The following CCR9 variants were observed in gnomAD, a reference collection of about 807,000 sequenced individuals.
The protein encoded by CCR9 is C-C motif chemokine receptor 9.
In CCR9, 4 loss-of-function variants were observed where a neutral mutation model predicts 8.7. The ratio of observed to expected loss-of-function variants is 0.46; its 90% CI spans 0.23 to 1.06. The LOEUF (loss-of-function observed/expected upper bound fraction) is 1.06. Among genes scored for constraint, CCR9 ranks in the 50% least tolerant of loss-of-function variants. CCR9 has a pLI of 0.21. For missense variants in CCR9, 394 were observed against 453.6 expected, an observed-to-expected ratio of 0.87 and a Z score of 1.19; for synonymous variants, 159 against 168.8, an observed-to-expected ratio of 0.94 and a Z score of 0.45.
Position 45,901,072 on chromosome 3 carries a change from T to C in CCR9, c.284T>C (p.Leu95Pro), listed in dbSNP as rs1393516511. The C allele has an allele frequency of 1.2e-6, 2 of 1,614,194 alleles. No individual in the cohort carries two copies. The highest frequency in any genetic ancestry group is 2.2e-5 in the South Asian group (2 of 91,080). ...MFLLNLAIAD[L>P]LFLVTLPFWA... ...CTTTTGAATTTGGCAATTGCTGACC[T>C]CCTCTTTCTTGTCACTCTTCCCTTC... is the stretch of plus-strand genomic sequence containing the variant. Residue 95 changes from leucine (L) to proline (P), a missense_variant, in exon 3 of 3, where the codon CTC (leucine) becomes CCC (proline). Coordinates refer to ENST00000357632, the MANE Select transcript of CCR9 (RefSeq NM_031200.3). This position sits in a 1 kb window ranked among gnomAD's most constrained non-coding sequence, Gnocchi z 4.3.
intron 1 of CCR9, among the ~76,000 whole-genome samples, chr3:45,890,471 G>A (rs1702143559): frequency 6.8e-6 from 1 of 147,132 alleles, no homozygotes. Context: ...AAACTCAACT[G>A]GGCATTTTTC....
At chr3:45,888,475 A>G (rs1171178939) in intron 1 of CCR9, among the ~76,000 whole-genome samples, 2 of 152,234 alleles carry the variant, frequency 1.3e-5, no homozygotes, top group African/African-American at 4.8e-5. Flanking sequence ...GAGGACATGG[A>G]TCATGTCTTA....
chr3:45,890,350 C>CATATAT (rs372514163), intron 1 of CCR9, among the ~76,000 whole-genome samples: 4 of 23,076 alleles, frequency 1.7e-4, no homozygotes, highest in African/African-American at 3.5e-4. Context: ...ATATATATAA[C>CATATAT]ATATATATAT....
chr3:45,889,271 C>T (rs1176579414), intron 1 of CCR9, among the ~76,000 whole-genome samples: 1 of 152,044 alleles, frequency 6.6e-6, no homozygotes, highest in Non-Finnish European at 1.5e-5. Flanking sequence ...AGGCATGAGC[C>T]ATCTTGCCTG....
chr3:45,898,532 C>T (rs776845676), intron 2 of CCR9, among the ~76,000 whole-genome samples: 8 of 152,216 alleles, frequency 5.3e-5, no homozygotes, highest in East Asian at 1.9e-4. Context: ...CCTGAAGAGC[C>T]GCCTCCAGGA....
intron 2 of CCR9, among the ~76,000 whole-genome samples, chr3:45,896,815 G>A (rs1373178816): frequency 6.6e-6 from 1 of 152,116 alleles, no homozygotes; most frequent in Admixed American, 6.5e-5. Context: ...CCATTGCCTT[G>A]TGCCCATTCT....
chr3:45,888,309 G>A (rs886999837), intron 1 of CCR9, among the ~76,000 whole-genome samples: 4 of 152,042 alleles, frequency 2.6e-5, no homozygotes, highest in Admixed American at 2.0e-4. Context: ...TCAAGGACCC[G>A]CAAAAATGTC....
intron 1 of CCR9, among the ~76,000 whole-genome samples, chr3:45,892,155 A>C (rs9834860): frequency 0.51 from 78,165 of 151,994 alleles, 23,277 homozygotes; most frequent in African/African-American, 0.83. Flanking sequence ...GCAGACAGAG[A>C]CAGGAAATAT....
intron 2 of CCR9, among the ~76,000 whole-genome samples, chr3:45,899,233 A>C (rs1190393280): frequency 6.6e-6 from 1 of 152,218 alleles, no homozygotes; most frequent in African/African-American, 2.4e-5. Flanking sequence ...TGTGCTCAGG[A>C]GTATTGTGAA....
rs1702574763 is a variant in CCR9 at position 45,901,954 on chromosome 3, G to A, written c.*56G>A. The A allele has an allele frequency of 7.1e-7, 1 of 1,412,300 alleles. No individual in the cohort carries two copies. Among genetic ancestry groups the A allele is most frequent in the East Asian group, 2.3e-5 (1 of 43,504 alleles). 87.5% of individuals were successfully genotyped at this position (1,412,300 alleles called of 1,614,324 possible). A position where few individuals can be genotyped will look rare whatever the true frequency, so the allele number is the denominator to read the frequency against. On this transcript the variant is annotated 3_prime_UTR_variant, in exon 3 of 3. Coordinates refer to ENST00000357632, the MANE Select transcript of CCR9 (RefSeq NM_031200.3). The surrounding 1 kb of genome is among the most constrained non-coding windows in gnomAD (Gnocchi z 4.3). ...GGAAGAAATGAGAAATACAGAAACA[G>A]TTTCCCCACTGATGGGACCAGAGAG... is the stretch of plus-strand genomic sequence containing the variant.
At chr3:45,898,801 A>T (rs1373586315) in intron 2 of CCR9, among the ~76,000 whole-genome samples, 2 of 152,272 alleles carry the variant, frequency 1.3e-5, no homozygotes, top group African/African-American at 4.8e-5. Flanking sequence ...TTTAGAAAAC[A>T]TTGTTAAACA....
Position 45,899,308 on chromosome 3 carries a change from G to A in CCR9, c.22-1502G>A, listed in dbSNP as rs149285238. ...ACCATTAGTGTTCCACCTAAAACAT[G>A]GTTTGGGAAATGCTAGACAGATCTA... is the stretch of plus-strand genomic sequence containing the variant. On this transcript the variant is annotated intron_variant, in intron 2 of 2. Transcript: ENST00000357632. Among the ~76,000 whole-genome samples, 596 of 152,300 alleles carry A rather than the reference G, an allele frequency of 3.9e-3. 4 individuals carry two copies. Among genetic ancestry groups the A allele is most frequent in the African/African-American group, 0.014 (584 of 41,556 alleles).
chr3:45,887,992 G>A (rs1385438455), intron 1 of CCR9, among the ~76,000 whole-genome samples: 1 of 152,246 alleles, frequency 6.6e-6, no homozygotes, highest in Non-Finnish European at 1.5e-5. Context: ...TGTTAGTGCT[G>A]TAAGCATCAG....
chr3:45,890,335 A>ATATAT (rs1553616543), intron 1 of CCR9, among the ~76,000 whole-genome samples: 1 of 61,728 alleles, frequency 1.6e-5, no homozygotes, highest in Non-Finnish European at 2.6e-5. Context: ...ATATATATAT[A>ATATAT]ACATATATAT....
In CCR9 at chr3:45,901,861, T is replaced by C. The variant is rs1229619751; in HGVS notation, c.1073T>C (p.Met358Thr). ...GAGGGAAGCTTGAAGCTGTCGTCTATGTTGCTGGAGACAACCTCAGGAGCA... is the reference window on the plus strand; with the variant it reads ...GAGGGAAGCTTGAAGCTGTCGTCTACGTTGCTGGAGACAACCTCAGGAGCA... ...RREGSLKLSS[M>T]LLETTSGALS... The change falls in exon 3 of 3, where the codon ATG becomes ACG. Residue 358 changes from methionine (M) to threonine (T), a missense_variant. By Grantham distance (81) the Met-to-Thr change is moderately conservative (BLOSUM62 -1). Coordinates refer to ENST00000357632, the MANE Select transcript of CCR9 (RefSeq NM_031200.3). The surrounding 1 kb of genome is among the most constrained non-coding windows in gnomAD (Gnocchi z 4.3). 6.2e-7 allele frequency: 1 copy of C among 1,609,434 alleles called. No homozygotes were observed. The highest frequency in any genetic ancestry group is 8.5e-7 in the Non-Finnish European group (1 of 1,176,308).
chr3:45,892,769 T>C lies in CCR9; in HGVS notation c.-28-2137T>C, dbSNP rs531854101. Reference sequence around the variant, plus strand: ...CCAAAACAAAAAAAACCCACGTGGGTCCGTAGTGATCTCTCAAGTTGGCTA... The same window carrying C: ...CCAAAACAAAAAAAACCCACGTGGGCCCGTAGTGATCTCTCAAGTTGGCTA... On this transcript the variant is annotated intron_variant, in intron 1 of 2. Coordinates refer to ENST00000357632, the MANE Select transcript of CCR9 (RefSeq NM_031200.3). Among the ~76,000 whole-genome samples, 11 of 151,708 alleles carry C rather than the reference T, an allele frequency of 7.3e-5. No individual in the cohort carries two copies. In the South Asian group the frequency reaches 1.9e-3, roughly 26 times the overall value.
At position 45,902,651 on chromosome 3, in the gene CCR9, T is replaced by C. The variant is rs1212454969; in HGVS notation, c.*753T>C. 6.0e-6 allele frequency: 1 copy of C among 167,096 alleles called. No individual in the cohort carries two copies. Among genetic ancestry groups the C allele is most frequent in the Non-Finnish European group, 1.5e-5 (1 of 68,136 alleles). 10.4% of individuals were successfully genotyped at this position (167,096 alleles called of 1,614,324 possible). A position where few individuals can be genotyped will look rare whatever the true frequency, so the allele number is the denominator to read the frequency against. On this transcript the variant is annotated 3_prime_UTR_variant, in exon 3 of 3. Coordinates refer to ENST00000357632, the MANE Select transcript of CCR9 (RefSeq NM_031200.3). ...TATTCCTTGGTATGGTGACAGTGTC[T>C]CTCCATGGCCTGAGCAGGGAGATTA...
chr3:45,894,098 C>T (rs931006737), intron 1 of CCR9, among the ~76,000 whole-genome samples: 2 of 152,166 alleles, frequency 1.3e-5, no homozygotes, highest in Non-Finnish European at 2.9e-5. Context: ...GCACAGACTT[C>T]GTCCTCGAAG....
In CCR9 at chr3:45,900,950, G is replaced by T. The variant is rs964416155; in HGVS notation, c.162G>T (p.Leu54Phe). The T allele has an allele frequency of 1.2e-6, 2 of 1,614,054 alleles. No homozygotes were observed. The highest frequency in any genetic ancestry group is 2.7e-5 in the African/African-American group (2 of 74,914). Residue 54 changes from leucine to phenylalanine, a missense_variant, in exon 3 of 3, where the codon TTG (leucine) becomes TTT (phenylalanine). Coordinates refer to ENST00000357632, the MANE Select transcript of CCR9 (RefSeq NM_031200.3). The surrounding 1 kb of genome is among the most constrained non-coding windows in gnomAD (Gnocchi z 4.7). ...RQFASHFLPPLYWLVFIVGAL... is the reference protein window; with the variant it reads ...RQFASHFLPPFYWLVFIVGAL... The stretch of plus-strand genomic sequence containing the variant: ...TTGCGAGCCATTTCCTCCCACCCTT[G>T]TACTGGCTCGTGTTCATCGTGGGTG...
Sources: allele counts gnomAD v4.1 joint callset (sites outside exome capture counted in the v4.1 genomes callset), GRCh38; gene constraint gnomAD v4.1.1; non-coding constraint Gnocchi (gnomAD v3.1); transcripts MANE v1.5; gene names NCBI Gene and HGNC (gene_info 2026-07-23, HGNC 2026-07-21).